Variants in TMEM154 observed in about 807,000 individuals in gnomAD.
The protein encoded by TMEM154 is transmembrane protein 154.
TMEM154 carries 27 observed loss-of-function variants against 24.5 expected under a neutral mutation model. The observed-to-expected ratio is 1.10, with a 90% CI of 0.81 to 1.52. The LOEUF is 1.52. TMEM154 is among the 40% of genes most tolerant of loss of function. The probability of loss-of-function intolerance (pLI) is 0.00; values close to 1 mark genes in which losing one functional copy is unlikely to be tolerated. For synonymous variants in TMEM154, 67 were observed against 76.8 expected (o/e 0.87, Z 0.67); for missense variants, 228 against 213.4 (o/e 1.07, Z -0.43).
chr4:152,674,264 T>G (rs1728908731), intron 1 of TMEM154, among the ~76,000 whole-genome samples: 2 of 151,918 alleles, frequency 1.3e-5, no homozygotes, highest in Admixed American at 1.3e-4. Flanking sequence ...TTCAGGGAGC[T>G]CCTGTCCATT....
At position 152,677,452 on chromosome 4, in the gene TMEM154, A is replaced by C. The variant is rs184793899; in HGVS notation, c.64+2418T>G. 7.9e-5 allele frequency among the ~76,000 whole-genome samples: 12 copies of C among 152,378 alleles called. No homozygotes were observed. The East Asian group carries it at 2.3e-3, about 29-fold the overall frequency. ...TCCCCAGGTATTTTTTGAAGAATTC[A>C]AGGAAATATACCTGTGACACCTAGA... is the stretch of plus-strand genomic sequence containing the variant. On this transcript the variant is annotated intron_variant, in intron 1 of 6. Transcript: ENST00000304385.
rs940700432 is a variant in TMEM154 at position 152,619,361 on chromosome 4, C to T, written c.*9185G>A. 2.6e-5 allele frequency: 4 copies of T among 152,146 alleles called. No individual in the cohort carries two copies. The highest frequency in any genetic ancestry group is 1.9e-4 in the East Asian group (1 of 5,198). 9.4% of individuals were successfully genotyped at this position (152,146 alleles called of 1,614,324 possible). A position where few individuals can be genotyped will look rare whatever the true frequency, so the allele number is the denominator to read the frequency against. ...CACGAAACTACCTAATATATTTCCT[C>T]GATATTGCATGAAGACACACCAATT... is the stretch of plus-strand genomic sequence containing the variant. On this transcript the variant is annotated 3_prime_UTR_variant, in exon 7 of 7. Transcript: ENST00000304385.
chr4:152,654,396 T>A (rs1024722285), intron 1 of TMEM154, among the ~76,000 whole-genome samples: 1 of 152,244 alleles, frequency 6.6e-6, no homozygotes, highest in African/African-American at 2.4e-5. Context: ...AACTGGACAT[T>A]GCAGAGCCAA....
chr4:152,662,779 T>G (rs930049356), intron 1 of TMEM154, among the ~76,000 whole-genome samples: 1 of 152,114 alleles, frequency 6.6e-6, no homozygotes, highest in African/African-American at 2.4e-5. Context: ...TGGGTGAAAG[T>G]GACCTTTTAC....
At position 152,625,758 on chromosome 4, in the gene TMEM154, C is replaced by T. The variant is rs888271256; in HGVS notation, c.*2788G>A. 1 of 150,988 alleles carries T rather than the reference C, an allele frequency of 6.6e-6. No homozygotes were observed. Among genetic ancestry groups the T allele is most frequent in the South Asian group, 2.1e-4 (1 of 4,798 alleles). The allele number at this position is 150,988 out of a possible 1,614,324, so 9.4% of individuals were successfully genotyped here. A position where few individuals can be genotyped will look rare whatever the true frequency, so the allele number is the denominator to read the frequency against. On this transcript the variant is annotated 3_prime_UTR_variant, in exon 7 of 7. Transcript: ENST00000304385. ...TGAATATAATAATTTTACAGCTGGT[C>T]GGGCTCAGTGGCTCATGCCTGTAAT...
chr4:152,679,856 T>A lies in TMEM154; in HGVS notation c.64+14A>T. On this transcript the variant is annotated intron_variant, in intron 1 of 6. Coordinates refer to ENST00000304385, the MANE Select transcript of TMEM154 (RefSeq NM_152680.3). ...GATCCTCCTTCCCAGGAGTAGGAAG[T>A]GGAGGCGGCTTACCCCGGCCGACGG... The A allele has an allele frequency of 6.2e-7, 1 of 1,603,882 alleles. No individual in the cohort carries two copies. The highest frequency in any genetic ancestry group is 8.5e-7 in the Non-Finnish European group (1 of 1,176,148).
At chr4:152,650,266 A>G (rs1476993364) in intron 3 of TMEM154, among the ~76,000 whole-genome samples, 1 of 152,222 alleles carries the variant, frequency 6.6e-6, no homozygotes, top group Non-Finnish European at 1.5e-5. Flanking sequence ...CGATTCTCAC[A>G]AAACCTGCCG....
chr4:152,628,589 AAAACAAAAAAAAC>A, intron 6 of TMEM154, 28 bp from the exon 7 acceptor site: 5 of 912,114 alleles, frequency 5.5e-6, no homozygotes, highest in East Asian at 5.3e-5. Flanking sequence ...AAAAAAAAAA[AAAACAAAAAAAAC>A]ACACACACAC....
chr4:152,655,879 C>G (rs532712482), intron 1 of TMEM154, among the ~76,000 whole-genome samples: 1 of 152,120 alleles, frequency 6.6e-6, no homozygotes, highest in African/African-American at 2.4e-5. Context: ...TGCTTCACCC[C>G]TACCTATTAC....
chr4:152,644,556 A>G, intron 3 of TMEM154, 114 bp from the exon 4 acceptor site: 3 of 1,018,470 alleles, frequency 2.9e-6, no homozygotes, highest in Non-Finnish European at 4.6e-6. Context: ...ATTAAGTAAC[A>G]TTTTTAAAGG....
At chr4:152,663,466 G>T (rs546596683) in intron 1 of TMEM154, among the ~76,000 whole-genome samples, 145 of 152,372 alleles carry the variant, frequency 9.5e-4, no homozygotes, top group African/African-American at 3.3e-3. Flanking sequence ...AAGCAGAAAG[G>T]TGTGTGAAGG....
chr4:152,645,349 C>T (rs2149781712), intron 3 of TMEM154, among the ~76,000 whole-genome samples: 1 of 152,288 alleles, frequency 6.6e-6, no homozygotes, highest in South Asian at 2.1e-4. Context: ...GTGAAACTTC[C>T]AACAAGCCTG....
chr4:152,678,831 C>T lies in TMEM154; in HGVS notation c.64+1039G>A, dbSNP rs545403179. Among the ~76,000 whole-genome samples, 32 of 152,290 alleles carry T rather than the reference C, an allele frequency of 2.1e-4. No homozygotes were observed. The South Asian group carries it at 6.2e-3, about 30-fold the overall frequency. On this transcript the variant is annotated intron_variant, in intron 1 of 6. Coordinates refer to ENST00000304385, the MANE Select transcript of TMEM154 (RefSeq NM_152680.3). ...CCACTTTGTTTTCTACCTCAGATGC[C>T]TGGGGGACCACATGGAGAACACCCA...
chr4:152,661,140 G>A (rs1382392645), intron 1 of TMEM154, among the ~76,000 whole-genome samples: 2 of 152,098 alleles, frequency 1.3e-5, no homozygotes, highest in South Asian at 2.1e-4. Flanking sequence ...TTGGTGGAAC[G>A]GTGGAGTTAA....
chr4:152,642,400 G>A (rs72721666), intron 5 of TMEM154, among the ~76,000 whole-genome samples: 13,087 of 151,978 alleles, frequency 0.086, 637 homozygotes, highest in African/African-American at 0.12. Context: ...AAGGGAATTT[G>A]AAAAAGAAAA....
chr4:152,652,088 C>T lies in TMEM154; in HGVS notation c.364+450G>A, dbSNP rs1444254110. Among the ~76,000 whole-genome samples, 3 of 152,188 alleles carry T rather than the reference C, an allele frequency of 2.0e-5. No individual in the cohort carries two copies. In the East Asian group the frequency reaches 5.8e-4, roughly 29 times the overall value. ...GGTTTCAGGCACTCCAAAACAATTA[C>T]AACAGTAATATCAAAGATAACTGAT... is the stretch of plus-strand genomic sequence containing the variant. On this transcript the variant is annotated intron_variant, in intron 3 of 6. Transcript: ENST00000304385.
Position 152,626,087 on chromosome 4 carries a change from T to A in TMEM154, c.*2459A>T, listed in dbSNP as rs1434371398. ...ACAAAGCCCTTCCCAGAGGGAGGAG[T>A]CACACCATTGGGTCAAGAGTCATGA... On this transcript the variant is annotated 3_prime_UTR_variant, in exon 7 of 7. Transcript: ENST00000304385. 2.0e-5 allele frequency: 3 copies of A among 152,476 alleles called. No homozygotes were observed. The highest frequency in any genetic ancestry group is 4.8e-5 in the African/African-American group (2 of 41,404). 9.4% of individuals were successfully genotyped at this position (152,476 alleles called of 1,614,324 possible).
intron 3 of TMEM154, among the ~76,000 whole-genome samples, chr4:152,651,552 T>C (rs1728383378): frequency 1.3e-5 from 2 of 152,202 alleles, no homozygotes; most frequent in Admixed American, 1.3e-4. Flanking sequence ...CTTCCTCACC[T>C]CTCTCAGCCT....
At position 152,652,793 on chromosome 4, in the gene TMEM154, A is replaced by T. The variant is rs112217288; in HGVS notation, c.199T>A (p.Phe67Ile). 2 of 1,614,096 alleles carry T rather than the reference A, an allele frequency of 1.2e-6. No homozygotes were observed. Among genetic ancestry groups the T allele is most frequent in the South Asian group, 2.2e-5 (2 of 91,082 alleles). Residue 67 changes from phenylalanine to isoleucine, a missense_variant, in exon 2 of 7, where the codon TTT becomes ATT. Transcript: ENST00000304385. ...TCTAACTGATTTTCATCCGGAGCAA[A>T]GTTGGTAGAATTTATATTTGCATTT... ...TLNANINSTN[F>I]APDENQLEFI...
Sources: allele counts gnomAD v4.1 joint callset (sites outside exome capture counted in the v4.1 genomes callset), GRCh38; gene constraint gnomAD v4.1.1; transcripts MANE v1.5; gene names NCBI Gene and HGNC (gene_info 2026-07-23, HGNC 2026-07-21).